Variants in SBF2 observed in about 807,000 individuals in gnomAD.
The protein encoded by SBF2 is SET binding factor 2.
In SBF2, 112 loss-of-function variants were observed where a neutral mutation model predicts 225.2. The observed-to-expected ratio is 0.50, with a 90% CI of 0.43 to 0.58. The LOEUF (loss-of-function observed/expected upper bound fraction) is 0.58. SBF2 is among the 20% of genes least tolerant of loss of function. The pLI, the probability that SBF2 is intolerant of heterozygous loss-of-function variation, is 0.00. For missense variants in SBF2, 1,996 were observed against 2,206.2 expected, an observed-to-expected ratio of 0.90 and a Z score of 1.91; for synonymous variants, 763 against 773.3, an observed-to-expected ratio of 0.99 and a Z score of 0.22.
At chr11:10,240,644 A>G (rs952996170) in intron 1 of SBF2, among the ~76,000 whole-genome samples, 1 of 152,194 alleles carries the variant, frequency 6.6e-6, no homozygotes, top group African/African-American at 2.4e-5. Flanking sequence ...CTATACCTAC[A>G]AAAACAGAAA....
At chr11:10,263,783 T>C (rs7933078) in intron 1 of SBF2, among the ~76,000 whole-genome samples, 4 of 152,150 alleles carry the variant, frequency 2.6e-5, no homozygotes, top group African/African-American at 9.7e-5. Flanking sequence ...CTCTGGAATA[T>C]ATTAAACACA....
At chr11:10,149,085 T>C (rs1955032872) in intron 2 of SBF2, 1 of 152,246 alleles carries the variant, frequency 6.6e-6, no homozygotes, top group Non-Finnish European at 1.5e-5. Flanking sequence ...CATAGCAGCT[T>C]CCAGTCAGAT....
intron 17 of SBF2, among the ~76,000 whole-genome samples, chr11:9,871,478 T>TATTA (rs1235214206): frequency 6.9e-6 from 1 of 145,282 alleles, no homozygotes; most frequent in East Asian, 2.0e-4. Context: ...CGCTTATTAT[T>TATTA]ATTATTATTA....
chr11:9,829,803 C>T, intron 27 of SBF2: 1 of 357,694 alleles, frequency 2.8e-6, no homozygotes, highest in Non-Finnish European at 5.3e-6. Context: ...CTTGAAAGCA[C>T]AGGGCATAGC....
chr11:10,274,111 G>A (rs934013998), intron 1 of SBF2, among the ~76,000 whole-genome samples: 6 of 152,198 alleles, frequency 3.9e-5, no homozygotes, highest in African/African-American at 1.2e-4. Context: ...AAGTATGAAT[G>A]ATTTGGCAGT....
intron 1 of SBF2, among the ~76,000 whole-genome samples, chr11:10,259,275 A>G (rs1961198995): frequency 6.6e-6 from 1 of 152,226 alleles, no homozygotes; most frequent in Non-Finnish European, 1.5e-5. Flanking sequence ...ATTTGGGGAA[A>G]GTTAACTAAA....
chr11:10,071,994 C>T (rs1950900046), intron 2 of SBF2, among the ~76,000 whole-genome samples: 1 of 152,144 alleles, frequency 6.6e-6, no homozygotes, highest in African/African-American at 2.4e-5. Context: ...GCACTCCACC[C>T]TTCACCTCCA....
chr11:10,239,572 A>AAAAC (rs138339527), intron 1 of SBF2, among the ~76,000 whole-genome samples: 54,319 of 150,232 alleles, frequency 0.36, 12,367 homozygotes, highest in Non-Finnish European at 0.44. Flanking sequence ...ATCCTGCTGT[A>AAAAC]AATTTTACTT....
intron 23 of SBF2, among the ~76,000 whole-genome samples, chr11:9,846,059 T>C (rs712278): frequency 7.7e-4 from 117 of 152,270 alleles, no homozygotes; most frequent in African/African-American, 2.6e-3. Flanking sequence ...AGATAGAGAA[T>C]TTGGCCTAAT....
At chr11:10,250,156 C>A (rs1486623280) in intron 1 of SBF2, among the ~76,000 whole-genome samples, 1 of 151,906 alleles carries the variant, frequency 6.6e-6, no homozygotes, top group Non-Finnish European at 1.5e-5. Context: ...CCAAGCAGAA[C>A]CAAAAAGTTA....
At chr11:9,929,746 C>A (rs961539244) in intron 16 of SBF2, among the ~76,000 whole-genome samples, 1 of 152,202 alleles carries the variant, frequency 6.6e-6, no homozygotes, top group Non-Finnish European at 1.5e-5. Context: ...ACTACCACTT[C>A]AAGCATCTCA....
intron 21 of SBF2, 44 bp from the exon 22 acceptor site, chr11:9,850,262 G>T: frequency 1.3e-6 from 2 of 1,582,642 alleles, no homozygotes. Flanking sequence ...TTGACTAATT[G>T]ATTGATTTTT....
chr11:9,924,712 G>A (rs955448441), intron 16 of SBF2, among the ~76,000 whole-genome samples: 3 of 152,064 alleles, frequency 2.0e-5, no homozygotes, highest in Admixed American at 1.3e-4. Context: ...GATTACAGGC[G>A]TGAGCCACCA....
At position 10,228,361 on chromosome 11, in the gene SBF2, C is replaced by G. The variant is rs554551704; in HGVS notation, c.56-34374G>C. ...TGGCCAGAACTTCCAACACTATGTT[C>G]AATAGGAGTGGTGAGAGAGGGCATC... On this transcript the variant is annotated intron_variant, in intron 1 of 39. Transcript: ENST00000256190. 1.6e-3 allele frequency among the ~76,000 whole-genome samples: 241 copies of G among 152,160 alleles called. 1 individual carries two copies. Among genetic ancestry groups the G allele is most frequent in the African/African-American group, 4.9e-3 (205 of 41,510 alleles).
intron 13 of SBF2, among the ~76,000 whole-genome samples, chr11:9,971,504 C>A (rs1190816978): frequency 1.3e-5 from 2 of 151,868 alleles, no homozygotes; most frequent in Non-Finnish European, 2.9e-5. Context: ...CATAGTGAGA[C>A]CCCATTTCTA....
chr11:9,936,733 A>T (rs1014459866), intron 16 of SBF2, among the ~76,000 whole-genome samples: 43 of 152,190 alleles, frequency 2.8e-4, no homozygotes, highest in African/African-American at 1.0e-3. Flanking sequence ...GTTCTCACTC[A>T]TAGGTGGGAA....
At chr11:10,169,719 T>C (rs770072550) in intron 2 of SBF2, among the ~76,000 whole-genome samples, 20 of 152,220 alleles carry the variant, frequency 1.3e-4, no homozygotes, top group South Asian at 2.1e-4. Context: ...CTAGATCATA[T>C]GGTAGCTCTA....
chr11:9,781,714 A>G, intron 38 of SBF2, 76 bp from the exon 39 acceptor site: 1 of 1,539,328 alleles, frequency 6.5e-7, no homozygotes, highest in Non-Finnish European at 9.0e-7. Flanking sequence ...CTGCATTTGA[A>G]TACCTTCCTC....
intron 33 of SBF2, chr11:9,790,990 A>G (rs556059060): frequency 8.8e-6 from 2 of 226,286 alleles, no homozygotes; most frequent in East Asian, 1.1e-4. Context: ...AAGTCCATGC[A>G]GGAGGCAGTC....
Sources: gnomAD v4.1 joint callset for allele counts (sites outside exome capture counted in the v4.1 genomes callset) on GRCh38, gnomAD v4.1.1 for gene constraint, MANE v1.5 for transcripts, NCBI Gene and HGNC (gene_info 2026-07-23, HGNC 2026-07-21) for gene names.